GPR63: variants seen among roughly 807,000 people sequenced by gnomAD.
GPR63 encodes G protein-coupled receptor 63.
GPR63 carries 12 observed loss-of-function variants against 23.1 expected under a neutral mutation model. That is an observed-to-expected ratio of 0.52 (90% confidence interval 0.33 to 0.84). The LOEUF is 0.84. Among genes scored for constraint, GPR63 ranks in the 40% least tolerant of loss-of-function variants. The pLI, the probability that GPR63 is intolerant of heterozygous loss-of-function variation, is 0.02. For synonymous variants in GPR63, 172 were observed against 191.1 expected, an observed-to-expected ratio of 0.90 and a Z score of 0.82; for missense variants, 472 against 515.6, an observed-to-expected ratio of 0.92 and a Z score of 0.82.
chr6:96,801,153 C>T (rs910825286), intron 1 of GPR63, among the ~76,000 whole-genome samples: 1 of 151,852 alleles, frequency 6.6e-6, no homozygotes, highest in African/African-American at 2.4e-5. Flanking sequence ...CATACATGTA[C>T]AGCAGTTTAA....
At position 96,798,467 on chromosome 6, in the gene GPR63, A is replaced by C; in HGVS notation, c.*5T>G. ...ATCACCCAAAATGTCAGCCAGTTCC[A>C]ATATTCACACCACCGTCCGATGTTC... On this transcript the variant is annotated 3_prime_UTR_variant, in exon 2 of 2. Transcript: ENST00000229955. 6.2e-7 allele frequency: 1 copy of C among 1,608,786 alleles called. No homozygotes were observed. Among genetic ancestry groups the C allele is most frequent in the Non-Finnish European group, 8.5e-7 (1 of 1,176,094 alleles).
intron 1 of GPR63, among the ~76,000 whole-genome samples, chr6:96,811,499 TGAAGA>T (rs988514488): frequency 6.6e-6 from 1 of 152,238 alleles, no homozygotes. Context: ...AGCCTGTGCT[TGAAGA>T]GAAAAGATGT....
rs1582272784 is a variant in GPR63, at chr6:96,824,402, T to C, written c.-151+12866A>G. On this transcript the variant is annotated intron_variant, in intron 1 of 1. Transcript: ENST00000229955. ...AAGCAGAATTCATCTAAACAAAATCTAACTCCTCTAAAACAATCCCATTTC... is the reference window on the plus strand; with the variant it reads ...AAGCAGAATTCATCTAAACAAAATCCAACTCCTCTAAAACAATCCCATTTC... Among the ~76,000 whole-genome samples, 3 of 152,108 alleles carry C rather than the reference T, an allele frequency of 2.0e-5. 1 individual carries two copies. The East Asian group carries it at 5.8e-4, about 29-fold the overall frequency.
In GPR63 at chr6:96,800,379, A is replaced by G. The variant is rs574572799; in HGVS notation, c.-150-498T>C. 3.3e-5 allele frequency among the ~76,000 whole-genome samples: 5 copies of G among 152,294 alleles called. No individual in the cohort carries two copies. The East Asian group carries it at 9.6e-4, about 29-fold the overall frequency. On this transcript the variant is annotated intron_variant, in intron 1 of 1. Coordinates refer to ENST00000229955, the MANE Select transcript of GPR63 (RefSeq NM_030784.4). The stretch of plus-strand genomic sequence containing the variant: ...ACCTAAAGCAGGTTTCCTATTTCAC[A>G]CATAACAATTACACACTTTAGTTCT...
rs778979692 is a variant in GPR63, at chr6:96,799,653, T to C, written c.79A>G (p.Met27Val). ...TTFVVYENTYMNITLPPPFQH... is the reference protein window; with the variant it reads ...TTFVVYENTYVNITLPPPFQH... ...AATGGTGGAGGGAGTGTAATATTCA[T>C]GTAGGTGTTTTCATACACGACAAAT... is the stretch of plus-strand genomic sequence containing the variant. The change falls in exon 2 of 2, where the codon ATG becomes GTG. Residue 27 changes from methionine to valine, a missense_variant. Transcript: ENST00000229955. The C allele has an allele frequency of 1.9e-5, 30 of 1,613,998 alleles. No individual in the cohort carries two copies. The highest frequency in any genetic ancestry group is 1.2e-4 in the South Asian group (11 of 91,086).
intron 1 of GPR63, among the ~76,000 whole-genome samples, chr6:96,834,488 C>A (rs895790272): frequency 6.6e-6 from 1 of 151,610 alleles, no homozygotes; most frequent in Non-Finnish European, 1.5e-5. Flanking sequence ...AGAAATGCAA[C>A]ATAAACTCTG....
chr6:96,814,463 A>G (rs1165922219), intron 1 of GPR63, among the ~76,000 whole-genome samples: 1 of 152,166 alleles, frequency 6.6e-6, no homozygotes, highest in Non-Finnish European at 1.5e-5. Flanking sequence ...AAACCACCCC[A>G]AAGACAGAAG....
intron 1 of GPR63, among the ~76,000 whole-genome samples, chr6:96,801,388 G>A (rs1411273464): frequency 3.9e-5 from 6 of 151,940 alleles, no homozygotes; most frequent in South Asian, 2.1e-4. Flanking sequence ...TAGTAGAGAC[G>A]GGGTTTCTCC....
chr6:96,820,786 A>G (rs1774295066), intron 1 of GPR63, among the ~76,000 whole-genome samples: 1 of 152,128 alleles, frequency 6.6e-6, no homozygotes, highest in African/African-American at 2.4e-5. Context: ...CCATATGCCT[A>G]TCTTCACAAT....
chr6:96,803,424 G>A (rs1165618422), intron 1 of GPR63, among the ~76,000 whole-genome samples: 1 of 152,090 alleles, frequency 6.6e-6, no homozygotes, highest in African/African-American at 2.4e-5. Flanking sequence ...AAGAAATAAA[G>A]AGTTTAACAA....
At chr6:96,802,705 A>ATT (rs1313432196) in intron 1 of GPR63, among the ~76,000 whole-genome samples, 1 of 101,554 alleles carries the variant, frequency 9.8e-6, no homozygotes, top group African/African-American at 4.2e-5. Context: ...ATGCCCAGCT[A>ATT]ATTTTTTTTT....
chr6:96,813,212 C>A lies in GPR63; in HGVS notation c.-150-13331G>T, dbSNP rs1014777425. 2.6e-5 allele frequency among the ~76,000 whole-genome samples: 4 copies of A among 152,258 alleles called. No homozygotes were observed. The East Asian group carries it at 7.7e-4, about 29-fold the overall frequency. ...TGGCTAAATAGAACTCCACTGTGTA[C>A]ATATACATGTTCTTTATCCCTTTGT... is the stretch of plus-strand genomic sequence containing the variant. On this transcript the variant is annotated intron_variant, in intron 1 of 1. Transcript: ENST00000229955.
chr6:96,836,751 A>G (rs1445661748), intron 1 of GPR63, among the ~76,000 whole-genome samples: 2 of 152,146 alleles, frequency 1.3e-5, no homozygotes, highest in African/African-American at 2.4e-5. Flanking sequence ...GCTGAACCAC[A>G]TGGAAGAGGG....
chr6:96,817,129 T>C (rs935542449), intron 1 of GPR63, among the ~76,000 whole-genome samples: 6 of 151,990 alleles, frequency 3.9e-5, no homozygotes, highest in Admixed American at 1.3e-4. Context: ...TATATTTAAA[T>C]GGCAACAAAT....
rs1773616154 is a variant in GPR63 at position 96,797,344 on chromosome 6, T to C, written c.*1128A>G. The C allele has an allele frequency of 6.6e-6, 1 of 152,224 alleles. No individual in the cohort carries two copies. The allele number at this position is 152,224 out of a possible 1,614,324, so 9.4% of individuals were successfully genotyped here. ...AATAAAGGCTAATTTTTAAAAAGAATATCATAGTCTAAAAAATTAAAGGAT... is the reference window on the plus strand; with the variant it reads ...AATAAAGGCTAATTTTTAAAAAGAACATCATAGTCTAAAAAATTAAAGGAT... On this transcript the variant is annotated 3_prime_UTR_variant, in exon 2 of 2. Coordinates refer to ENST00000229955, the MANE Select transcript of GPR63 (RefSeq NM_030784.4).
At chr6:96,804,396 A>G (rs1468310512) in intron 1 of GPR63, among the ~76,000 whole-genome samples, 1 of 152,184 alleles carries the variant, frequency 6.6e-6, no homozygotes, top group African/African-American at 2.4e-5. Flanking sequence ...ATATTCTCCT[A>G]GAAGGCAGCC....
chr6:96,819,720 T>C (rs929418098), intron 1 of GPR63, among the ~76,000 whole-genome samples: 2 of 146,646 alleles, frequency 1.4e-5, no homozygotes, highest in African/African-American at 2.6e-5. Context: ...CCCAACTAAA[T>C]TGCCAAAAAA....
chr6:96,810,692 ATG>A (rs1011518572), intron 1 of GPR63, among the ~76,000 whole-genome samples: 1 of 152,108 alleles, frequency 6.6e-6, no homozygotes, highest in Admixed American at 6.5e-5. Context: ...ATGTATGTAG[ATG>A]TGTGTGTATA....
chr6:96,800,655 C>G (rs1460407735), intron 1 of GPR63, among the ~76,000 whole-genome samples: 1 of 152,100 alleles, frequency 6.6e-6, no homozygotes, highest in Admixed American at 6.5e-5. Flanking sequence ...TTTACTAAAG[C>G]TCTCTTTGCT....
Sources: allele counts gnomAD v4.1 joint callset (sites outside exome capture counted in the v4.1 genomes callset), GRCh38; gene constraint gnomAD v4.1.1; transcripts MANE v1.5; gene names NCBI Gene and HGNC (gene_info 2026-07-23, HGNC 2026-07-21).